The following NWD1 variants were observed in gnomAD, a reference collection of about 807,000 sequenced individuals.
The protein encoded by NWD1 is NACHT domain- and WD repeat-containing protein 1.
Under a neutral mutation model 135.1 loss-of-function variants are expected in NWD1, and 129 were observed. That is an observed-to-expected ratio of 0.96 (90% CI 0.83 to 1.11). The LOEUF is 1.11. Among genes scored for constraint, NWD1 ranks in the 50% least tolerant of loss-of-function variants. NWD1 has a pLI of 0.00. For missense variants in NWD1, 1,740 were observed against 1,851.3 expected (o/e 0.94, Z 1.10); for synonymous variants, 773 against 786.0 (o/e 0.98, Z 0.28).
At chr19:16,775,896 G>T (rs1440656204) in intron 11 of NWD1, among the ~76,000 whole-genome samples, 2 of 152,124 alleles carry the variant, frequency 1.3e-5, no homozygotes, top group Non-Finnish European at 1.5e-5. Context: ...TCAAACTCCT[G>T]ACCTCAGGTG....
intron 6 of NWD1, 152 bp from the exon 7 acceptor site, chr19:16,759,073 T>C (rs1968907099): frequency 4.5e-6 from 3 of 660,846 alleles, no homozygotes; most frequent in Non-Finnish European, 8.2e-6. Flanking sequence ...CTAACCGTGC[T>C]TGGTACCTTG....
intron 14 of NWD1, among the ~76,000 whole-genome samples, chr19:16,793,797 A>ATTTCTCTCTTTCCTCCCTTCCTCTTT (rs1970330710): frequency 6.6e-6 from 1 of 151,172 alleles, no homozygotes; most frequent in Non-Finnish European, 1.5e-5. Context: ...GGATAGTCTC[A>ATTTCTCTCTTTCCTCCCTTCCTCTTT]AACTCCTGAC....
chr19:16,728,474 G>A (rs1210464461), intron 2 of NWD1, among the ~76,000 whole-genome samples: 1 of 151,616 alleles, frequency 6.6e-6, no homozygotes, highest in Non-Finnish European at 1.5e-5. Context: ...TAGTAGAGAT[G>A]GGGTTTCACC....
intron 12 of NWD1, among the ~76,000 whole-genome samples, chr19:16,787,895 AATAATAATAATCATCATCATCATC>A (rs1443428619): frequency 0.011 from 890 of 83,180 alleles, 9 homozygotes; most frequent in African/African-American, 0.044. Context: ...TAATAATAAT[AATAATAATAATCATCATCATCATC>A]ATCATCATCA....
intron 6 of NWD1, among the ~76,000 whole-genome samples, chr19:16,758,357 G>A (rs1599478110): frequency 1.3e-5 from 2 of 152,128 alleles, no homozygotes; most frequent in East Asian, 3.9e-4. Flanking sequence ...GCTCACTGCA[G>A]CCTCAACCTC....
At chr19:16,786,736 G>C (rs185005099) in intron 12 of NWD1, among the ~76,000 whole-genome samples, 7 of 151,800 alleles carry the variant, frequency 4.6e-5, no homozygotes, top group African/African-American at 1.5e-4. Context: ...TAGTAGAGAC[G>C]GGGTTTTGCC....
intron 18 of NWD1, among the ~76,000 whole-genome samples, chr19:16,813,982 T>C (rs1382349631): frequency 6.6e-6 from 1 of 150,834 alleles, no homozygotes; most frequent in Admixed American, 6.6e-5. Context: ...CGAGACTCTG[T>C]CTCTACAAAA....
In NWD1 at chr19:16,773,302, A is replaced by ACTCTCAG; in HGVS notation, c.2589_2595dup (p.Gly866SerfsTer95). 1.2e-6 allele frequency: 2 copies of ACTCTCAG among 1,612,568 alleles called. No homozygotes were observed. Among genetic ancestry groups the ACTCTCAG allele is most frequent in the Non-Finnish European group, 1.7e-6 (2 of 1,179,826 alleles). ...GCCCCCGGGAGGACCCCTCCGGGCA[A>ACTCTCAG]CTCTCAGCGGCTGTCACAAAGGTGA... On this transcript the variant is annotated frameshift_variant, in exon 11 of 19. Coordinates refer to ENST00000524140, the MANE Select transcript of NWD1 (RefSeq NM_001007525.5). LOFTEE classifies it high-confidence loss of function.
chr19:16,787,674 A>G (rs1318986587), intron 12 of NWD1, among the ~76,000 whole-genome samples: 1 of 151,592 alleles, frequency 6.6e-6, no homozygotes, highest in Non-Finnish European at 1.5e-5. Context: ...AGCCTGGCCA[A>G]TGTGGTGAAA....
chr19:16,739,386 G>A (rs1416536075), intron 4 of NWD1, among the ~76,000 whole-genome samples: 1 of 149,902 alleles, frequency 6.7e-6, no homozygotes, highest in African/African-American at 2.5e-5. Context: ...GGGAAAAGAA[G>A]GGAGACAAAG....
At chr19:16,742,377 A>G (rs1202114660) in intron 4 of NWD1, among the ~76,000 whole-genome samples, 1 of 152,170 alleles carries the variant, frequency 6.6e-6, no homozygotes, top group African/African-American at 2.4e-5. Flanking sequence ...TCCATCTCAA[A>G]AAAATAAAAT....
chr19:16,722,779 T>G (rs1287058160), intron 1 of NWD1, among the ~76,000 whole-genome samples: 1 of 151,720 alleles, frequency 6.6e-6, no homozygotes, highest in African/African-American at 2.4e-5. Context: ...GAGAGGGAGC[T>G]TTAAGTCACG....
chr19:16,805,767 C>T (rs1970728880), intron 17 of NWD1, among the ~76,000 whole-genome samples: 1 of 152,182 alleles, frequency 6.6e-6, no homozygotes, highest in Admixed American at 6.6e-5. Flanking sequence ...AAATGTTTGC[C>T]AAATTAACGA....
intron 2 of NWD1, chr19:16,727,133 G>T (rs1217875915): frequency 6.6e-6 from 1 of 152,174 alleles, no homozygotes; most frequent in East Asian, 1.9e-4. Flanking sequence ...TACACGGGTA[G>T]GCCCCAGGGG....
In NWD1 at chr19:16,762,158, C is replaced by T; in HGVS notation, c.2133+20C>T. On this transcript the variant is annotated intron_variant, in intron 8 of 18. Coordinates refer to ENST00000524140, the MANE Select transcript of NWD1 (RefSeq NM_001007525.5). ...CGAAAGGTGAGGTACCTGGGACCCC[C>T]ATTCCCCACCTGCAACCTCCACCCT... 6.2e-7 allele frequency: 1 copy of T among 1,605,766 alleles called. No individual in the cohort carries two copies. Among genetic ancestry groups the T allele is most frequent in the Non-Finnish European group, 8.5e-7 (1 of 1,173,654 alleles).
chr19:16,720,532 C>T (rs1298852229), intron 1 of NWD1, among the ~76,000 whole-genome samples: 1 of 152,016 alleles, frequency 6.6e-6, no homozygotes, highest in Non-Finnish European at 1.5e-5. Context: ...GAATTCTGCC[C>T]CCTAGGGGAC....
chr19:16,755,570 G>T (rs897702611), intron 6 of NWD1, among the ~76,000 whole-genome samples: 23 of 151,864 alleles, frequency 1.5e-4, no homozygotes, highest in African/African-American at 5.6e-4. Flanking sequence ...TGTATCTTTA[G>T]TAGAGACAGG....
At chr19:16,806,363 C>T (rs1340659164) in intron 17 of NWD1, among the ~76,000 whole-genome samples, 3 of 152,106 alleles carry the variant, frequency 2.0e-5, no homozygotes, top group East Asian at 1.9e-4. Context: ...ATGTGGCCAC[C>T]GCCCCTGAAA....
At chr19:16,747,526 G>A (rs929011119) in intron 5 of NWD1, among the ~76,000 whole-genome samples, 3 of 151,258 alleles carry the variant, frequency 2.0e-5, no homozygotes, top group East Asian at 2.0e-4. Flanking sequence ...GCAGTCACAC[G>A]CCATCACAGG....
Sources: allele counts gnomAD v4.1 joint callset (sites outside exome capture counted in the v4.1 genomes callset), GRCh38; gene constraint gnomAD v4.1.1; transcripts MANE v1.5; gene names NCBI Gene and HGNC (gene_info 2026-07-23, HGNC 2026-07-21).